Variants in ATP13A5 observed in about 807,000 individuals in gnomAD.
ATP13A5 encodes the protein probable cation-transporting ATPase 13A5.
ATP13A5 carries 149 observed loss-of-function variants against 150.2 expected under a neutral mutation model. That is an observed-to-expected ratio of 0.99 (90% CI 0.87 to 1.14). The LOEUF (loss-of-function observed/expected upper bound fraction) is 1.14. Among genes scored for constraint, ATP13A5 ranks in the 50% most tolerant of loss-of-function variants. ATP13A5 has a pLI of 0.00. For synonymous variants in ATP13A5, 497 were observed against 522.2 expected, an observed-to-expected ratio of 0.95 and a Z score of 0.66; for missense variants, 1,383 against 1,449.3, an observed-to-expected ratio of 0.95 and a Z score of 0.74.
chr3:193,345,510 A>G (rs1461808676), intron 7 of ATP13A5, among the ~76,000 whole-genome samples: 4 of 152,164 alleles, frequency 2.6e-5, no homozygotes, highest in South Asian at 2.1e-4. Flanking sequence ...AAGAAGGGAA[A>G]TGACTACAGA....
intron 28 of ATP13A5, 48 bp downstream of exon 28, chr3:193,279,318 G>A: frequency 7.3e-7 from 1 of 1,365,692 alleles, no homozygotes; most frequent in Admixed American, 1.7e-5. Flanking sequence ...ATGAATACAT[G>A]GTCCATGTAC....
intron 14 of ATP13A5, 63 bp downstream of exon 14, chr3:193,324,800 AG>A (rs1719412334): frequency 9.7e-6 from 15 of 1,553,008 alleles, no homozygotes; most frequent in Non-Finnish European, 1.3e-5. Flanking sequence ...AAATTAGAAA[AG>A]CTTCAGCACT....
At chr3:193,295,550 C>T (rs1718133909) in intron 25 of ATP13A5, among the ~76,000 whole-genome samples, 1 of 152,056 alleles carries the variant, frequency 6.6e-6, no homozygotes, top group Admixed American at 6.6e-5. Context: ...TGAACTTGAA[C>T]AATCAGCCTT....
At position 193,363,267 on chromosome 3, in the gene ATP13A5, A is replaced by G. The variant is rs1713108561; in HGVS notation, c.353T>C (p.Ile118Thr). ...ESLVADRHSV[I>T]NQALIKPELK... Reference sequence around the variant, plus strand: ...TTCTGGCTTTATTAAGGCTTGGTTTATGACAGAGTGGCGGTCAGCCACCAG... The same window carrying G: ...TTCTGGCTTTATTAAGGCTTGGTTTGTGACAGAGTGGCGGTCAGCCACCAG... Residue 118 changes from isoleucine to threonine, a missense_variant, in exon 3 of 30, where the codon ATA (isoleucine) becomes ACA (threonine). Ile to Thr is a moderately conservative substitution (Grantham distance 89). Coordinates refer to ENST00000342358, the MANE Select transcript of ATP13A5 (RefSeq NM_198505.4). The G allele has an allele frequency of 1.9e-6, 3 of 1,613,922 alleles. No individual in the cohort carries two copies. The highest frequency in any genetic ancestry group is 1.7e-6 in the Non-Finnish European group (2 of 1,179,798).
At chr3:193,376,040 C>A (rs891081293) in intron 1 of ATP13A5, among the ~76,000 whole-genome samples, 2 of 152,106 alleles carry the variant, frequency 1.3e-5, no homozygotes, top group African/African-American at 4.8e-5. Context: ...GCAAGTGGGG[C>A]GAGGCTGTCA....
chr3:193,327,878 GC>G (rs1043352579), intron 12 of ATP13A5, among the ~76,000 whole-genome samples: 1 of 152,148 alleles, frequency 6.6e-6, no homozygotes, highest in African/African-American at 2.4e-5. Flanking sequence ...CACTGCCAGG[GC>G]CCACCAGAGC....
At chr3:193,370,380 T>G (rs1335965034) in intron 1 of ATP13A5, among the ~76,000 whole-genome samples, 1 of 152,212 alleles carries the variant, frequency 6.6e-6, no homozygotes, top group East Asian at 1.9e-4. Flanking sequence ...CTCCACTATT[T>G]ACCAGCTGTG....
chr3:193,319,062 G>A lies in ATP13A5; in HGVS notation c.1962C>T (p.Gly654=), dbSNP rs1257628643. 6.2e-7 allele frequency: 1 copy of A among 1,613,992 alleles called. No individual in the cohort carries two copies. The highest frequency in any genetic ancestry group is 1.7e-5 in the Admixed American group (1 of 60,022). Residue 654 remains glycine, a synonymous_variant, in exon 17 of 30, where the codon GGC becomes GGT. Coordinates refer to ENST00000342358, the MANE Select transcript of ATP13A5 (RefSeq NM_198505.4). The part of the protein sequence containing the change: ...PQELRSYTVQ[G]FRVIALAHKT... ...TGTGGGCAAGAGCAATGACACGGAA[G>A]CCTTGCACCGTGTAACTCCTCAGTT...
intron 27 of ATP13A5, chr3:193,281,061 A>C: frequency 3.2e-6 from 1 of 310,408 alleles, no homozygotes; most frequent in Non-Finnish European, 4.7e-6. Context: ...AGCACGTCTC[A>C]GAAGTGCTTG....
intron 1 of ATP13A5, among the ~76,000 whole-genome samples, chr3:193,373,017 A>G (rs9851984): frequency 0.69 from 105,162 of 152,118 alleles, 36,730 homozygotes; most frequent in Non-Finnish European, 0.73. Flanking sequence ...TTTACTTTTC[A>G]GTTTTAATCC....
In ATP13A5 at chr3:193,319,611, G is replaced by A. The variant is rs74389671; in HGVS notation, c.1916-503C>T. On this transcript the variant is annotated intron_variant, in intron 16 of 29. Coordinates refer to ENST00000342358, the MANE Select transcript of ATP13A5 (RefSeq NM_198505.4). ...CCAGAACTGTGAGGAATAAATTTCT[G>A]TTGTTCAAGCACGCAGTCTATGGTC... 6.0e-3 allele frequency among the ~76,000 whole-genome samples: 915 copies of A among 152,326 alleles called. 13 individuals carry two copies. The highest frequency in any genetic ancestry group is 0.021 in the African/African-American group (870 of 41,586).
chr3:193,299,285 G>A (rs981038566), intron 24 of ATP13A5, 82 bp from the exon 25 acceptor site: 17 of 1,058,488 alleles, frequency 1.6e-5, no homozygotes, highest in Admixed American at 5.2e-5. Context: ...TTTTTAAGTC[G>A]TTAGGAGGCA....
intron 7 of ATP13A5, among the ~76,000 whole-genome samples, chr3:193,349,699 C>T (rs983935394): frequency 2.6e-5 from 4 of 152,036 alleles, no homozygotes; most frequent in East Asian, 3.9e-4. Flanking sequence ...CAATGAGACC[C>T]GGTTTTTTTA....
intron 1 of ATP13A5, among the ~76,000 whole-genome samples, chr3:193,365,551 A>T (rs140366134): frequency 2.0e-5 from 3 of 152,150 alleles, no homozygotes; most frequent in African/African-American, 7.2e-5. Flanking sequence ...TTATTTGTGA[A>T]TTATAGTTTT....
chr3:193,371,881 A>C (rs546109264), intron 1 of ATP13A5, among the ~76,000 whole-genome samples: 3 of 152,258 alleles, frequency 2.0e-5, no homozygotes, highest in Admixed American at 6.5e-5. Context: ...TCCATAGAAC[A>C]TAATATAATA....
chr3:193,297,439 A>T (rs1194466730), intron 25 of ATP13A5, among the ~76,000 whole-genome samples: 2 of 152,078 alleles, frequency 1.3e-5, no homozygotes, highest in African/African-American at 4.8e-5. Flanking sequence ...GAGACGGGAA[A>T]ACAATAGGAT....
At chr3:193,365,433 A>G (rs1713204175) in intron 1 of ATP13A5, among the ~76,000 whole-genome samples, 1 of 152,130 alleles carries the variant, frequency 6.6e-6, no homozygotes, top group Non-Finnish European at 1.5e-5. Context: ...GATTATTCAA[A>G]TAAGGTTTAA....
rs1244361447 is a variant in ATP13A5 at position 193,279,422 on chromosome 3, C to A, written c.3259G>T (p.Gly1087Cys). The A allele has an allele frequency of 8.7e-6, 14 of 1,613,666 alleles. No individual in the cohort carries two copies. The highest frequency in any genetic ancestry group is 1.2e-5 in the Non-Finnish European group (14 of 1,179,794). ...GAAAACAGAATGAAAATTGTGAGGCCCAAGGCAGCTAGCAGCAGAAATGAA... is the reference window on the plus strand; with the variant it reads ...GAAAACAGAATGAAAATTGTGAGGCACAAGGCAGCTAGCAGCAGAAATGAA... ...IFSFLLLAALGLTIFILFSDF... is the reference protein window; with the variant it reads ...IFSFLLLAALCLTIFILFSDF... Residue 1087 changes from glycine (G) to cysteine (C), a missense_variant, in exon 28 of 30, where the codon GGC becomes TGC. Coordinates refer to ENST00000342358, the MANE Select transcript of ATP13A5 (RefSeq NM_198505.4).
At chr3:193,359,384 TTC>T (rs367611908) in intron 5 of ATP13A5, among the ~76,000 whole-genome samples, 24 of 150,768 alleles carry the variant, frequency 1.6e-4, no homozygotes, top group African/African-American at 4.4e-4. Flanking sequence ...CTCTCTGTCC[TTC>T]TCTCTCTCTC....
Sources: allele counts gnomAD v4.1 joint callset (sites outside exome capture counted in the v4.1 genomes callset), GRCh38; gene constraint gnomAD v4.1.1; transcripts MANE v1.5; gene names NCBI Gene and HGNC (gene_info 2026-07-23, HGNC 2026-07-21).